Variants in TOP1 observed in about 807,000 individuals in gnomAD.
The protein encoded by TOP1 is DNA topoisomerase I, also known as DNA topoisomerase 1.
A neutral mutation model predicts 111.1 loss-of-function variants in TOP1; 10 were observed. The ratio of observed to expected loss-of-function variants is 0.09; its 90% CI spans 0.06 to 0.15. The LOEUF (loss-of-function observed/expected upper bound fraction) is 0.15, where lower values mean the gene tolerates loss of function less well. Ranked by LOEUF, TOP1 falls within the 10% of genes least tolerant of loss-of-function variation. The probability of loss-of-function intolerance (pLI) is 1.00; values close to 1 mark genes in which losing one functional copy is unlikely to be tolerated. For synonymous variants in TOP1, 271 were observed against 302.9 expected (o/e 0.89, Z 1.10); for missense variants, 474 against 926.7 (o/e 0.51, Z 6.34).
At chr20:41,056,076 A>G (rs1019713621) in intron 2 of TOP1, among the ~76,000 whole-genome samples, 4 of 152,180 alleles carry the variant, frequency 2.6e-5, no homozygotes, top group African/African-American at 4.8e-5. Context: ...CTATCCCCGT[A>G]TCCCTTGGTG....
At chr20:41,111,763 G>A (rs1344283069) in intron 13 of TOP1, among the ~76,000 whole-genome samples, 2 of 151,932 alleles carry the variant, frequency 1.3e-5, no homozygotes, top group East Asian at 3.9e-4. Flanking sequence ...TTGCGGGTGG[G>A]GAAATTAAGA....
chr20:41,046,303 G>A lies in TOP1; in HGVS notation c.59-15091G>A, dbSNP rs1382338198. Among the ~76,000 whole-genome samples, 1 of 152,180 alleles carries A rather than the reference G, an allele frequency of 6.6e-6. No homozygotes were observed. Among genetic ancestry groups the A allele is most frequent in the Non-Finnish European group, 1.5e-5 (1 of 68,032 alleles). On this transcript the variant is annotated intron_variant, in intron 2 of 20. Transcript: ENST00000361337. The surrounding 1 kb of genome is among the most constrained non-coding windows in gnomAD (Gnocchi z 4.3). ...TCTCACGGTTTAAGTAAAGTAACTA[G>A]CTCAAGGCTATATAGTTATAACTAA...
chr20:41,051,874 A>G (rs1208904891), intron 2 of TOP1, among the ~76,000 whole-genome samples: 2 of 152,146 alleles, frequency 1.3e-5, no homozygotes, highest in Non-Finnish European at 2.9e-5. Flanking sequence ...TTCTATGTAA[A>G]TTAATCAAGG....
At chr20:41,052,539 C>T (rs949051253) in intron 2 of TOP1, among the ~76,000 whole-genome samples, 1 of 152,110 alleles carries the variant, frequency 6.6e-6, no homozygotes, top group South Asian at 2.1e-4. Flanking sequence ...TGGGTTTAGG[C>T]CAGCTTTCAG....
chr20:41,111,138 G>A (rs1413464756), intron 13 of TOP1, among the ~76,000 whole-genome samples: 2 of 152,174 alleles, frequency 1.3e-5, no homozygotes, highest in East Asian at 3.8e-4. Context: ...ACAGGCTTTG[G>A]TAGTCCATGT....
In TOP1 at chr20:41,116,409, C is replaced by T; in HGVS notation, c.1822+17C>T. On this transcript the variant is annotated intron_variant, in intron 17 of 20. Coordinates refer to ENST00000361337, the MANE Select transcript of TOP1 (RefSeq NM_003286.4). This position sits in a 1 kb window ranked among gnomAD's most constrained non-coding sequence, Gnocchi z 5.6. Reference sequence around the variant, plus strand: ...TGACAGCCCGTAAGTATTGCTTGGCCAGATAGGGCCCACACCCCTACTAAT... The same window carrying T: ...TGACAGCCCGTAAGTATTGCTTGGCTAGATAGGGCCCACACCCCTACTAAT... The T allele has an allele frequency of 6.3e-7, 1 of 1,591,318 alleles. No homozygotes were observed. Among genetic ancestry groups the T allele is most frequent in the Non-Finnish European group, 8.6e-7 (1 of 1,159,208 alleles).
chr20:41,036,556 A>G (rs184647042), intron 2 of TOP1, among the ~76,000 whole-genome samples: 121 of 152,274 alleles, frequency 7.9e-4, no homozygotes, highest in African/African-American at 2.8e-3. Context: ...CTCTATTCTC[A>G]ACTGGATCTT....
chr20:41,089,823 C>T (rs1468520737), intron 8 of TOP1, among the ~76,000 whole-genome samples: 2 of 152,142 alleles, frequency 1.3e-5, no homozygotes, highest in African/African-American at 2.4e-5. Flanking sequence ...GTTTTATTGC[C>T]ATCCTTATGA....
intron 2 of TOP1, among the ~76,000 whole-genome samples, chr20:41,053,089 A>G (rs1183807606): frequency 6.6e-6 from 1 of 151,958 alleles, no homozygotes; most frequent in Admixed American, 6.6e-5. Flanking sequence ...AAAACAGTCA[A>G]CTCTCCCATT....
At position 41,089,020 on chromosome 20, in the gene TOP1, C is replaced by CTTTTTTTTTTTTTTTTTTTTTT. The variant is rs59200685; in HGVS notation, c.615-3451_615-3430dup. 1.3e-3 allele frequency among the ~76,000 whole-genome samples: 104 copies of CTTTTTTTTTTTTTTTTTTTTTT among 77,892 alleles called. 19 individuals are homozygous for CTTTTTTTTTTTTTTTTTTTTTT. Among genetic ancestry groups the CTTTTTTTTTTTTTTTTTTTTTT allele is most frequent in the East Asian group, 7.5e-3 (12 of 1,606 alleles). The allele number at this position is 77,892 out of a possible 152,430, so 51.1% of individuals were successfully genotyped here. ...TCCCCACTTCTCTGTTGCCCCAGTT[C>CTTTTTTTTTTTTTTTTTTTTTT]TTTTTTTTTTTTTTTTTTTTTTGAG... On this transcript the variant is annotated intron_variant, in intron 8 of 20. Coordinates refer to ENST00000361337, the MANE Select transcript of TOP1 (RefSeq NM_003286.4).
Position 41,118,221 on chromosome 20 carries a change from T to C in TOP1, c.1875T>C (p.Ala625=), listed in dbSNP as rs764208638. ...TTTCTTATAACCGTGCCAATCGAGCTGTTGCAATTCTTTGTAACCATCAGA... is the reference window on the plus strand; with the variant it reads ...TTTCTTATAACCGTGCCAATCGAGCCGTTGCAATTCTTTGTAACCATCAGA... The part of the protein sequence containing the change: ...KILSYNRANR[A]VAILCNHQRA... Residue 625 remains alanine (A), a synonymous_variant, in exon 18 of 21, where the codon GCT becomes GCC. Coordinates refer to ENST00000361337, the MANE Select transcript of TOP1 (RefSeq NM_003286.4). The surrounding 1 kb of genome is among the most constrained non-coding windows in gnomAD (Gnocchi z 4.6). 5.0e-6 allele frequency: 8 copies of C among 1,614,074 alleles called. No individual in the cohort carries two copies. In the Admixed American group the frequency reaches 1.3e-4, roughly 27 times the overall value.
chr20:41,036,677 CAT>C (rs140300642), intron 2 of TOP1, among the ~76,000 whole-genome samples: 19,385 of 152,044 alleles, frequency 0.13, 1,423 homozygotes, highest in Non-Finnish European at 0.16. Flanking sequence ...TGAATTGTAA[CAT>C]GTAACTAGTG....
At position 41,061,401 on chromosome 20, in the gene TOP1, T is replaced by A; in HGVS notation, c.66T>A (p.His22Gln). ...IEADFRLNDS[H>Q]KHKDKHKDRE... ...CATCTCTTATGGTTGCAGATTCTCA[T>A]AAACACAAAGATAAACACAAAGATC... The change falls in exon 3 of 21, where the codon CAT becomes CAA. Residue 22 changes from histidine to glutamine, a missense_variant. His to Gln is a conservative substitution (Grantham distance 24). Transcript: ENST00000361337. The surrounding 1 kb of genome is among the most constrained non-coding windows in gnomAD (Gnocchi z 4.6). 6.2e-7 allele frequency: 1 copy of A among 1,613,606 alleles called. No individual in the cohort carries two copies.
intron 8 of TOP1, among the ~76,000 whole-genome samples, chr20:41,089,020 C>CTTTTTGTTTTTTTTTTT (rs2033883594): frequency 1.3e-5 from 1 of 77,926 alleles, no homozygotes. Flanking sequence ...TGCCCCAGTT[C>CTTTTTGTTTTTTTTTTT]TTTTTTTTTT....
At chr20:41,073,165 G>T (rs1038958565) in intron 3 of TOP1, 9 of 985,188 alleles carry the variant, frequency 9.1e-6, no homozygotes, top group Non-Finnish European at 9.6e-6. Flanking sequence ...GCTGAAAACC[G>T]CAGGGCTACA....
intron 14 of TOP1, 140 bp downstream of exon 14, chr20:41,113,065 G>A: frequency 1.1e-6 from 1 of 881,638 alleles, no homozygotes. Flanking sequence ...ATCAAAAGTT[G>A]CACAAAACAA....
chr20:41,085,118 A>G (rs1016734091), intron 8 of TOP1, among the ~76,000 whole-genome samples: 1 of 152,114 alleles, frequency 6.6e-6, no homozygotes, highest in Non-Finnish European at 1.5e-5. Flanking sequence ...AATATTTGCA[A>G]TACAAAGGGC....
rs1407362224 is a variant in TOP1 at position 41,101,725 on chromosome 20, G to A, written c.1308+372G>A. Reference sequence around the variant, plus strand: ...TGATTGTATATTGGCCTCTGCAGATGTCTTCTACTTCCTCACCTCTCTTGG... The same window carrying A: ...TGATTGTATATTGGCCTCTGCAGATATCTTCTACTTCCTCACCTCTCTTGG... On this transcript the variant is annotated intron_variant, in intron 13 of 20. Transcript: ENST00000361337. The surrounding 1 kb of genome is among the most constrained non-coding windows in gnomAD (Gnocchi z 4.1). Among the ~76,000 whole-genome samples the A allele has an allele frequency of 6.6e-6, 1 of 152,200 alleles. No homozygotes were observed. The highest frequency in any genetic ancestry group is 2.4e-5 in the African/African-American group (1 of 41,448).
At chr20:41,108,012 A>T (rs1292905178) in intron 13 of TOP1, among the ~76,000 whole-genome samples, 2 of 152,194 alleles carry the variant, frequency 1.3e-5, no homozygotes, top group African/African-American at 4.8e-5. Context: ...ATTGCTACAT[A>T]TTTGGAGCAA....
Sources: gnomAD v4.1 joint callset for allele counts (sites outside exome capture counted in the v4.1 genomes callset) on GRCh38, gnomAD v4.1.1 for gene constraint, Gnocchi (gnomAD v3.1) non-coding constraint, MANE v1.5 for transcripts, NCBI Gene and HGNC (gene_info 2026-07-23, HGNC 2026-07-21) for gene names.